The following TRAF2 variants were observed in gnomAD, a reference collection of about 807,000 sequenced individuals.
The protein encoded by TRAF2 is TNF receptor-associated factor 2.
Under a neutral mutation model 55.6 loss-of-function variants are expected in TRAF2, and 6 were observed. The ratio of observed to expected loss-of-function variants is 0.11; its 90% CI spans 0.06 to 0.21. The LOEUF (loss-of-function observed/expected upper bound fraction) is 0.21, where lower values mean the gene tolerates loss of function less well. TRAF2 is among the 10% of genes least tolerant of loss of function. The pLI, the probability that TRAF2 is intolerant of heterozygous loss-of-function variation, is 1.00. For synonymous variants in TRAF2, 329 were observed against 276.3 expected (o/e 1.19, Z -1.89); for missense variants, 561 against 684.5 (o/e 0.82, Z 2.01).
At chr9:136,897,416 A>G (rs1849704527) in intron 1 of TRAF2, among the ~76,000 whole-genome samples, 1 of 152,206 alleles carries the variant, frequency 6.6e-6, no homozygotes, top group Non-Finnish European at 1.5e-5. Context: ...TGGCACATGG[A>G]GGGCTCTGAA....
chr9:136,908,762 C>T (rs556994173), intron 5 of TRAF2, among the ~76,000 whole-genome samples: 61 of 151,440 alleles, frequency 4.0e-4, no homozygotes, highest in Non-Finnish European at 8.2e-4. Context: ...CCCAGCTACT[C>T]AGGAGGCTAA....
chr9:136,882,610 C>T, upstream of TRAF2: 1 of 959,698 alleles, frequency 1.0e-6, no homozygotes, highest in Non-Finnish European at 1.2e-6. Context: ...GGGGACATAC[C>T]CTCCCCCTGC....
At chr9:136,886,578 C>G in intron 1 of TRAF2, 37 bp downstream of exon 1, 1 of 962,582 alleles carries the variant, frequency 1.0e-6, no homozygotes, top group Non-Finnish European at 1.2e-6. Context: ...GGGTCGGGCG[C>G]GGGCGCGGGG....
At chr9:136,908,716 CAA>C (rs1317286550) in intron 5 of TRAF2, among the ~76,000 whole-genome samples, 1 of 151,746 alleles carries the variant, frequency 6.6e-6, no homozygotes, top group Non-Finnish European at 1.5e-5. Context: ...AATACAAAAA[CAA>C]AATTAGCTGG....
intron 1 of TRAF2, among the ~76,000 whole-genome samples, chr9:136,897,441 T>C (rs1360944966): frequency 1.3e-5 from 2 of 152,142 alleles, no homozygotes; most frequent in Non-Finnish European, 2.9e-5. Context: ...ATGTGTATCG[T>C]CTGAAGTGAG....
At chr9:136,898,961 A>G in intron 2 of TRAF2, 33 bp downstream of exon 2, 1 of 1,559,168 alleles carries the variant, frequency 6.4e-7, no homozygotes, top group Non-Finnish European at 8.7e-7. Context: ...GAGGAGGGGC[A>G]GGCAGGCTAG....
rs369808302 is a variant in TRAF2, at chr9:136,899,307, C to T, written c.189-287C>T. ...TCTGAGAGGTGTGGCCTGTGCACAT[C>T]GGCAGCAGCTCGGCCTGTCGGGAGA... On this transcript the variant is annotated intron_variant, in intron 2 of 10. Transcript: ENST00000247668. 2.6e-5 allele frequency among the ~76,000 whole-genome samples: 4 copies of T among 152,214 alleles called. No individual in the cohort carries two copies. In the South Asian group the frequency reaches 6.2e-4, roughly 24 times the overall value.
intron 5 of TRAF2, 121 bp from the exon 6 acceptor site, chr9:136,909,799 G>A (rs2131310549): frequency 2.1e-6 from 2 of 954,332 alleles, no homozygotes; most frequent in South Asian, 1.4e-5. Flanking sequence ...CTTCGAGGCT[G>A]GAGGGTGACC....
chr9:136,884,420 CG>C (rs1849409763), upstream of TRAF2, among the ~76,000 whole-genome samples: 1 of 151,964 alleles, frequency 6.6e-6, no homozygotes. Flanking sequence ...ATTAGCCGGG[CG>C]TAGCGGTGTG....
At chr9:136,922,895 G>A (rs1474566261) in intron 9 of TRAF2, among the ~76,000 whole-genome samples, 3 of 141,092 alleles carry the variant, frequency 2.1e-5, no homozygotes, top group Non-Finnish European at 4.6e-5. Context: ...AGAGGACTAG[G>A]ACAGGGAGGA....
In TRAF2 at chr9:136,926,235, T is replaced by C; in HGVS notation, c.*334T>C. 6.7e-6 allele frequency: 3 copies of C among 446,786 alleles called. No homozygotes were observed. Among genetic ancestry groups the C allele is most frequent in the Non-Finnish European group, 1.3e-5 (3 of 233,358 alleles). The allele number at this position is 446,786 out of a possible 1,614,324, so 27.7% of individuals were successfully genotyped here. On this transcript the variant is annotated 3_prime_UTR_variant, in exon 11 of 11. Transcript: ENST00000247668. ...GGCCCTGGGTGGGGGACACTCAGAG[T>C]GGGAGCACATCCCAGCAGTGCCCAT... is the stretch of plus-strand genomic sequence containing the variant.
intron 1 of TRAF2, chr9:136,890,443 C>CTG (rs1849559048): frequency 6.6e-6 from 1 of 152,354 alleles, no homozygotes; most frequent in African/African-American, 2.4e-5. Context: ...AGGTCTCAGT[C>CTG]TGTGTGTCTG....
intron 6 of TRAF2, among the ~76,000 whole-genome samples, chr9:136,915,483 A>G (rs560707148): frequency 5.9e-5 from 9 of 152,258 alleles, no homozygotes; most frequent in Admixed American, 4.6e-4. Context: ...TCAGGTAAAA[A>G]TGCACTGAAC....
intron 6 of TRAF2, among the ~76,000 whole-genome samples, chr9:136,913,926 C>T (rs1366293752): frequency 2.0e-5 from 3 of 151,976 alleles, no homozygotes; most frequent in Admixed American, 2.0e-4. Flanking sequence ...CATGGGGCGG[C>T]GTATGTTGGG....
In TRAF2 at chr9:136,925,695, C is replaced by T. The variant is rs760775156; in HGVS notation, c.1300C>T (p.Leu434=). 1.2e-6 allele frequency: 2 copies of T among 1,614,100 alleles called. No homozygotes were observed. The highest frequency in any genetic ancestry group is 1.7e-6 in the Non-Finnish European group (2 of 1,180,046). ...CTCTCTCCTCCAGGTGACCTTAATG[C>T]TGCTCGACCAGAATAACCGGGAGCA... The part of the protein sequence containing the change: ...WPFNQKVTLM[L]LDQNNREHVI... Residue 434 remains leucine (L), a synonymous_variant, in exon 11 of 11, where the codon CTG becomes TTG. Transcript: ENST00000247668.
rs1849452787 is a variant in TRAF2 at position 136,886,559 on chromosome 9, TCGGGTGCGGGGTCGGGCGCGGGC to T, written c.-29+19_-29+41del. The T allele has an allele frequency of 5.1e-6, 5 of 975,876 alleles. No individual in the cohort carries two copies. The African/African-American group carries it at 9.2e-5, about 18-fold the overall frequency. The allele number at this position is 975,876 out of a possible 1,614,324, so 60.5% of individuals were successfully genotyped here. A position where few individuals can be genotyped will look rare whatever the true frequency, so the allele number is the denominator to read the frequency against. On this transcript the variant is annotated intron_variant, in intron 1 of 10. Coordinates refer to ENST00000247668, the MANE Select transcript of TRAF2 (RefSeq NM_021138.4). ...ACCGTTGGGTGAGGCGAGCGCGGGGTCGGGTGCGGGGTCGGGCGCGGGCGCGGGGTCGGGTGCGGGGTCGGGCG... is the reference window on the plus strand; with the variant it reads ...ACCGTTGGGTGAGGCGAGCGCGGGGTGCGGGGTCGGGTGCGGGGTCGGGCG...
At chr9:136,896,892 G>C (rs1261051912) in intron 1 of TRAF2, among the ~76,000 whole-genome samples, 1 of 152,236 alleles carries the variant, frequency 6.6e-6, no homozygotes, top group Admixed American at 6.5e-5. Context: ...ACAGGCGTGA[G>C]AGTTGTAGTT....
chr9:136,923,229 G>A (rs1197960428), intron 9 of TRAF2, among the ~76,000 whole-genome samples: 1 of 152,140 alleles, frequency 6.6e-6, no homozygotes. Context: ...TGGCTCTGCC[G>A]AGGTCCCAAC....
intron 1 of TRAF2, among the ~76,000 whole-genome samples, chr9:136,888,046 T>A (rs1175896447): frequency 1.3e-5 from 2 of 151,846 alleles, no homozygotes; most frequent in Non-Finnish European, 2.9e-5. Context: ...ATTTTTTGTA[T>A]TTTTAGTAGA....
Sources: allele counts gnomAD v4.1 joint callset (sites outside exome capture counted in the v4.1 genomes callset), GRCh38; gene constraint gnomAD v4.1.1; transcripts MANE v1.5; gene names NCBI Gene and HGNC (gene_info 2026-07-23, HGNC 2026-07-21).